The following MDGA2 variants were observed in gnomAD, a reference collection of about 807,000 sequenced individuals.
MDGA2 encodes the protein MAM domain-containing glycosylphosphatidylinositol anchor protein 2.
Under a neutral mutation model 117.8 loss-of-function variants are expected in MDGA2, and 40 were observed. That is an observed-to-expected ratio of 0.34 (90% CI 0.26 to 0.44). The LOEUF (loss-of-function observed/expected upper bound fraction) is 0.44, where lower values mean the gene tolerates loss of function less well. Ranked by LOEUF, MDGA2 falls within the 20% of genes least tolerant of loss-of-function variation. The probability of loss-of-function intolerance (pLI) is 1.00; values close to 1 mark genes in which losing one functional copy is unlikely to be tolerated. For missense variants in MDGA2, 1,123 were observed against 1,250.6 expected (o/e 0.90, Z 1.54); for synonymous variants, 452 against 439.0 (o/e 1.03, Z -0.37).
At chr14:47,016,835 A>C (rs1020450221) in intron 8 of MDGA2, among the ~76,000 whole-genome samples, 1 of 152,064 alleles carries the variant, frequency 6.6e-6, no homozygotes, top group African/African-American at 2.4e-5. Flanking sequence ...CCTCGTATAG[A>C]TCCAAGTTAA....
At chr14:47,443,514 T>C (rs954314357) in intron 1 of MDGA2, among the ~76,000 whole-genome samples, 1 of 152,158 alleles carries the variant, frequency 6.6e-6, no homozygotes, top group African/African-American at 2.4e-5. Flanking sequence ...GACTTTTCTA[T>C]ATATGTATTT....
At chr14:47,642,385 A>C (rs1346203766) in intron 1 of MDGA2, among the ~76,000 whole-genome samples, 1 of 152,262 alleles carries the variant, frequency 6.6e-6, no homozygotes, top group East Asian at 1.9e-4. Flanking sequence ...AAGACAATAA[A>C]GTGAGCTCAA....
At chr14:47,574,997 G>A (rs868868359) in intron 1 of MDGA2, among the ~76,000 whole-genome samples, 1 of 152,170 alleles carries the variant, frequency 6.6e-6, no homozygotes, top group East Asian at 1.9e-4. Flanking sequence ...TGTGTATAAA[G>A]TGTACATAGG....
At chr14:47,456,361 C>T (rs1008838703) in intron 1 of MDGA2, among the ~76,000 whole-genome samples, 12 of 149,502 alleles carry the variant, frequency 8.0e-5, no homozygotes, top group African/African-American at 2.0e-4. Context: ...GGTGCCATCT[C>T]GACTCACCGC....
intron 8 of MDGA2, among the ~76,000 whole-genome samples, chr14:47,027,245 G>A (rs867671447): frequency 3.3e-5 from 5 of 151,848 alleles, no homozygotes; most frequent in Non-Finnish European, 4.4e-5. Flanking sequence ...ATATCCTTAC[G>A]GCCTTATGGT....
In MDGA2 at chr14:47,126,001, C is replaced by A. The variant is rs544397784; in HGVS notation, c.925+5713G>T. Among the ~76,000 whole-genome samples, 11 of 152,002 alleles carry A rather than the reference C, an allele frequency of 7.2e-5. No individual in the cohort carries two copies. The South Asian group carries it at 1.9e-3, about 26-fold the overall frequency. ...TATGTGTCCTAGTGTTGGTAACACA[C>A]ATAATATAAGAAATTTAAAATAATT... is the stretch of plus-strand genomic sequence containing the variant. On this transcript the variant is annotated intron_variant, in intron 5 of 16. Coordinates refer to ENST00000399232, the MANE Select transcript of MDGA2 (RefSeq NM_001113498.3).
At chr14:47,117,783 G>T (rs758874710) in intron 5 of MDGA2, among the ~76,000 whole-genome samples, 3 of 152,052 alleles carry the variant, frequency 2.0e-5, no homozygotes, top group Non-Finnish European at 4.4e-5. Flanking sequence ...CTAATCAACA[G>T]GCATAAAGTT....
chr14:47,068,219 CAAT>C (rs1474557047), intron 6 of MDGA2, among the ~76,000 whole-genome samples: 2 of 151,814 alleles, frequency 1.3e-5, no homozygotes, highest in African/African-American at 2.4e-5. Context: ...TATCCTTTCT[CAAT>C]AGAACATCAG....
intron 1 of MDGA2, among the ~76,000 whole-genome samples, chr14:47,495,930 T>C (rs1894272247): frequency 1.3e-5 from 2 of 151,982 alleles, no homozygotes; most frequent in Admixed American, 1.3e-4. Flanking sequence ...AATTTGATGT[T>C]CGAAAAATTA....
At chr14:47,588,233 G>GAT (rs1284259011) in intron 1 of MDGA2, among the ~76,000 whole-genome samples, 24 of 83,708 alleles carry the variant, frequency 2.9e-4, no homozygotes, top group Admixed American at 6.0e-4. Context: ...CTTGGAGATA[G>GAT]ATAGATATAT....
At chr14:47,173,447 T>C (rs1884276692) in intron 3 of MDGA2, among the ~76,000 whole-genome samples, 1 of 152,148 alleles carries the variant, frequency 6.6e-6, no homozygotes, top group Admixed American at 6.6e-5. Context: ...TAACAGCGGA[T>C]CTCTCGGCAG....
intron 2 of MDGA2, among the ~76,000 whole-genome samples, chr14:47,296,377 G>A (rs936643435): frequency 2.0e-5 from 3 of 152,190 alleles, no homozygotes; most frequent in African/African-American, 7.2e-5. Flanking sequence ...AACACACTGG[G>A]AGGTGCAATT....
chr14:47,013,652 T>C (rs1021990413), intron 8 of MDGA2, among the ~76,000 whole-genome samples: 6 of 151,532 alleles, frequency 4.0e-5, no homozygotes, highest in Middle Eastern at 3.4e-3. Flanking sequence ...CTACCTATGA[T>C]AGTTATAACC....
chr14:46,964,049 G>C (rs80016798), intron 8 of MDGA2, among the ~76,000 whole-genome samples: 7 of 152,134 alleles, frequency 4.6e-5, no homozygotes, highest in African/African-American at 1.7e-4. Flanking sequence ...CTGGGACCAG[G>C]ACACAAGTGT....
At chr14:46,865,301 C>T (rs916530858) in intron 14 of MDGA2, among the ~76,000 whole-genome samples, 2 of 152,122 alleles carry the variant, frequency 1.3e-5, no homozygotes, top group African/African-American at 4.8e-5. Flanking sequence ...ACATGATTAT[C>T]TCAATAGATG....
chr14:46,892,373 A>T (rs1882916848), intron 10 of MDGA2, among the ~76,000 whole-genome samples: 1 of 151,986 alleles, frequency 6.6e-6, no homozygotes, highest in Non-Finnish European at 1.5e-5. Context: ...TGGATTAAAG[A>T]TCTATGCATA....
chr14:47,366,311 T>G (rs969348644), intron 1 of MDGA2, among the ~76,000 whole-genome samples: 2 of 152,104 alleles, frequency 1.3e-5, no homozygotes, highest in South Asian at 4.1e-4. Flanking sequence ...AGGAAGAATT[T>G]TAAAATGTAA....
intron 15 of MDGA2, among the ~76,000 whole-genome samples, 161 bp downstream of exon 15, chr14:46,854,863 A>G (rs1881203547): frequency 6.6e-6 from 1 of 152,040 alleles, no homozygotes; most frequent in Non-Finnish European, 1.5e-5. Context: ...ATTTATCTTT[A>G]TAAAACAGCT....
chr14:47,517,354 T>C (rs1174125038), intron 1 of MDGA2, among the ~76,000 whole-genome samples: 3 of 152,126 alleles, frequency 2.0e-5, no homozygotes, highest in East Asian at 1.9e-4. Flanking sequence ...TGCAGAGATA[T>C]TAGCATGCCA....
Sources: allele counts gnomAD v4.1 joint callset (sites outside exome capture counted in the v4.1 genomes callset), GRCh38; gene constraint gnomAD v4.1.1; transcripts MANE v1.5; gene names NCBI Gene and HGNC (gene_info 2026-07-23, HGNC 2026-07-21).